The following RNLS variants were observed in gnomAD, a reference collection of about 807,000 sequenced individuals.
The protein encoded by RNLS is renalase, FAD dependent amine oxidase, also known as renalase.
Under a neutral mutation model 39.8 loss-of-function variants are expected in RNLS, and 39 were observed. The observed-to-expected ratio is 0.98, with a 90% CI of 0.76 to 1.28. The LOEUF (loss-of-function observed/expected upper bound fraction) is 1.28, where lower values mean the gene tolerates loss of function less well. Ranked by LOEUF, RNLS falls within the 50% of genes most tolerant of loss-of-function variation. RNLS has a pLI of 0.00. For synonymous variants in RNLS, 147 were observed against 150.7 expected, an observed-to-expected ratio of 0.98 and a Z score of 0.18; for missense variants, 410 against 413.3, an observed-to-expected ratio of 0.99 and a Z score of 0.07.
At chr10:88,368,099 A>T (rs2133406507) in intron 4 of RNLS, among the ~76,000 whole-genome samples, 1 of 151,370 alleles carries the variant, frequency 6.6e-6, no homozygotes, top group African/African-American at 2.4e-5. Context: ...ATATTTTCTT[A>T]TGGTTTTTTT....
intron 4 of RNLS, among the ~76,000 whole-genome samples, chr10:88,433,928 T>C (rs1160696053): frequency 2.0e-5 from 3 of 152,140 alleles, no homozygotes; most frequent in Non-Finnish European, 4.4e-5. Flanking sequence ...GACAGTCTTT[T>C]GGAAGCAAGC....
the RNLS span, among the ~76,000 whole-genome samples, chr10:88,214,220 C>T: frequency 6.6e-6 from 1 of 151,242 alleles, no homozygotes; most frequent in African/African-American, 2.4e-5. Context: ...ATCTGCCTAT[C>T]ATTGGCTAGA....
chr10:88,484,639 A>G (rs558435975), intron 4 of RNLS, among the ~76,000 whole-genome samples: 1 of 152,008 alleles, frequency 6.6e-6, no homozygotes, highest in Non-Finnish European at 1.5e-5. Flanking sequence ...GGAAGAAGAG[A>G]AAAAACAAAG....
At chr10:88,365,150 C>G (rs11202732) in intron 4 of RNLS, among the ~76,000 whole-genome samples, 1 of 151,876 alleles carries the variant, frequency 6.6e-6, no homozygotes, top group Non-Finnish European at 1.5e-5. Flanking sequence ...TTGTCTATTC[C>G]AGGGGCTCTA....
intron 6 of RNLS, among the ~76,000 whole-genome samples, chr10:88,304,812 A>G (rs757344917): frequency 2.0e-5 from 3 of 152,170 alleles, no homozygotes; most frequent in Non-Finnish European, 4.4e-5. Flanking sequence ...AGCTAGAGAA[A>G]CCAACATTCA....
chr10:88,363,942 G>A (rs1350465032), intron 4 of RNLS, among the ~76,000 whole-genome samples: 1 of 152,160 alleles, frequency 6.6e-6, no homozygotes, highest in Non-Finnish European at 1.5e-5. Flanking sequence ...TCATTAAATA[G>A]TAACTTTTTC....
chr10:88,538,635 C>T (rs925265313), intron 4 of RNLS, among the ~76,000 whole-genome samples: 5 of 152,030 alleles, frequency 3.3e-5, no homozygotes, highest in Admixed American at 6.6e-5. Flanking sequence ...GCAGTTTAAT[C>T]TTATGAGGGC....
chr10:88,483,979 G>A (rs1320693186), intron 4 of RNLS, among the ~76,000 whole-genome samples: 2 of 151,970 alleles, frequency 1.3e-5, no homozygotes, highest in South Asian at 2.1e-4. Context: ...ATAACATAGT[G>A]TTAGTTATGT....
chr10:88,301,475 C>T (rs181230489), intron 6 of RNLS, among the ~76,000 whole-genome samples: 1 of 152,162 alleles, frequency 6.6e-6, no homozygotes, highest in African/African-American at 2.4e-5. Flanking sequence ...TTTTGGTTAT[C>T]CGAAGGTCAC....
chr10:88,427,418 G>A (rs768739456), intron 4 of RNLS, among the ~76,000 whole-genome samples: 8 of 151,976 alleles, frequency 5.3e-5, no homozygotes, highest in Non-Finnish European at 1.2e-4. Context: ...CCATCCAAGG[G>A]TGGACAATTG....
chr10:88,304,497 A>G (rs937732577), intron 6 of RNLS, among the ~76,000 whole-genome samples: 1 of 152,266 alleles, frequency 6.6e-6, no homozygotes, highest in Non-Finnish European at 1.5e-5. Flanking sequence ...AAATAACATA[A>G]CTGACCTGAA....
chr10:88,448,178 A>C (rs1842150914), intron 4 of RNLS, among the ~76,000 whole-genome samples: 1 of 152,236 alleles, frequency 6.6e-6, no homozygotes, highest in Admixed American at 6.5e-5. Flanking sequence ...TAAACTAAAG[A>C]GCTTCTGCAC....
intron 6 of RNLS, among the ~76,000 whole-genome samples, chr10:88,289,521 A>G (rs932057677): frequency 6.6e-6 from 1 of 152,132 alleles, no homozygotes; most frequent in Non-Finnish European, 1.5e-5. Context: ...GGCAAGGTCA[A>G]TGCCTTTTCA....
At chr10:88,549,549 C>G (rs1197511950) in intron 4 of RNLS, among the ~76,000 whole-genome samples, 1 of 152,066 alleles carries the variant, frequency 6.6e-6, no homozygotes, top group Admixed American at 6.6e-5. Context: ...TTGGGTGACA[C>G]AGTAAGACCC....
At chr10:88,255,945 A>C in the RNLS span, among the ~76,000 whole-genome samples, 1 of 152,194 alleles carries the variant, frequency 6.6e-6, no homozygotes, top group Admixed American at 6.5e-5. Context: ...GGCAAACAGG[A>C]ATCAAGAATT....
chr10:88,421,737 T>C (rs1332328851), intron 4 of RNLS, among the ~76,000 whole-genome samples: 1 of 152,202 alleles, frequency 6.6e-6, no homozygotes, highest in Non-Finnish European at 1.5e-5. Flanking sequence ...TTTTATATCA[T>C]GGCATTTAAG....
rs758869059 is a variant in RNLS, at chr10:88,314,573, G to T, written c.769C>A (p.His257Asn). The change falls in exon 6 of 7, where the codon CAC (histidine) becomes AAC (asparagine). Residue 257 changes from histidine to asparagine, a missense_variant. Physicochemically the swap from His to Asn is moderately conservative, Grantham distance 68. Coordinates refer to ENST00000331772, the MANE Select transcript of RNLS (RefSeq NM_001031709.3). ...TVPFGVTYLE[H>N]SIEDVQELVF... The stretch of plus-strand genomic sequence containing the variant: ...AACTCTTGCACATCCTCAATGCTGT[G>T]TTCCAAGTATGTAACTCCAAATGGG... 8 of 1,613,820 alleles carry T rather than the reference G, an allele frequency of 5.0e-6. No individual in the cohort carries two copies. In the South Asian group the frequency reaches 7.7e-5, roughly 16 times the overall value.
At chr10:88,548,289 AAAAAG>A (rs1554927073) in intron 4 of RNLS, among the ~76,000 whole-genome samples, 1 of 80,246 alleles carries the variant, frequency 1.2e-5, no homozygotes, top group Admixed American at 1.5e-4. Context: ...AAAAAAAAAA[AAAAAG>A]AAAAGAAAAA....
chr10:88,334,541 T>C (rs1023849123), intron 5 of RNLS, among the ~76,000 whole-genome samples: 17 of 152,214 alleles, frequency 1.1e-4, no homozygotes, highest in Non-Finnish European at 1.9e-4. Context: ...GAGGTTTTAT[T>C]GTACCTCACT....
Sources: gnomAD v4.1 joint callset for allele counts (sites outside exome capture counted in the v4.1 genomes callset) on GRCh38, gnomAD v4.1.1 for gene constraint, MANE v1.5 for transcripts, NCBI Gene and HGNC (gene_info 2026-07-23, HGNC 2026-07-21) for gene names.